Variants in NYAP2 observed in about 807,000 individuals in gnomAD.
NYAP2 encodes the protein neuronal tyrosine-phosphorylated phosphoinositide-3-kinase adapter 2.
In NYAP2, 23 loss-of-function variants were observed where a neutral mutation model predicts 50.4. That is an observed-to-expected ratio of 0.46 (90% CI 0.33 to 0.65). The LOEUF (loss-of-function observed/expected upper bound fraction) is 0.65, where lower values mean the gene tolerates loss of function less well. Among genes scored for constraint, NYAP2 ranks in the 30% least tolerant of loss-of-function variants. The probability of loss-of-function intolerance (pLI) is 0.02; values close to 1 mark genes in which losing one functional copy is unlikely to be tolerated. For synonymous variants in NYAP2, 394 were observed against 365.2 expected, an observed-to-expected ratio of 1.08 and a Z score of -0.90; for missense variants, 885 against 861.0, an observed-to-expected ratio of 1.03 and a Z score of -0.35.
At chr2:225,479,659 TA>T (rs998833389) in intron 3 of NYAP2, among the ~76,000 whole-genome samples, 13 of 151,942 alleles carry the variant, frequency 8.6e-5, no homozygotes, top group African/African-American at 3.1e-4. Context: ...TTTTTTTTTT[TA>T]AATCCACCAG....
intron 3 of NYAP2, among the ~76,000 whole-genome samples, chr2:225,470,809 A>ATGTGTG (rs1339042384): frequency 2.2e-5 from 3 of 133,600 alleles, no homozygotes; most frequent in Admixed American, 7.0e-5. Context: ...ATATGTATGT[A>ATGTGTG]TATGTGTGTG....
the NYAP2 span, among the ~76,000 whole-genome samples, chr2:225,660,560 C>T: frequency 6.8e-6 from 1 of 148,014 alleles, no homozygotes; most frequent in Admixed American, 7.0e-5. Flanking sequence ...ATCGATTTAA[C>T]TATTAAAACG....
At chr2:225,527,249 A>G (rs1682496302) in intron 4 of NYAP2, among the ~76,000 whole-genome samples, 1 of 152,142 alleles carries the variant, frequency 6.6e-6, no homozygotes, top group South Asian at 2.1e-4. Context: ...AATAAGCCCA[A>G]TGTGCCTGTG....
At chr2:225,467,036 T>C (rs1414114817) in intron 3 of NYAP2, among the ~76,000 whole-genome samples, 2 of 152,216 alleles carry the variant, frequency 1.3e-5, no homozygotes, top group South Asian at 2.1e-4. Context: ...GTTTTCTACG[T>C]TGGCATACTT....
At position 225,421,733 on chromosome 2, in the gene NYAP2, A is replaced by C. The variant is rs751007461; in HGVS notation, c.221+12632A>C. ...CCTAGTGGCCTCTGGATAATGAAGC[A>C]AAGGGTTAAGAGATGTGTAGTTTAT... On this transcript the variant is annotated intron_variant, in intron 3 of 6. Transcript: ENST00000636099. Among the ~76,000 whole-genome samples, 12 of 152,358 alleles carry C rather than the reference A, an allele frequency of 7.9e-5. No homozygotes were observed. In the East Asian group the frequency reaches 1.4e-3, roughly 17 times the overall value.
intron 4 of NYAP2, among the ~76,000 whole-genome samples, chr2:225,571,371 G>T (rs1234331368): frequency 6.6e-6 from 1 of 152,226 alleles, no homozygotes; most frequent in African/African-American, 2.4e-5. Context: ...CATAGCAGAG[G>T]TTCTCCATGA....
intron 6 of NYAP2, among the ~76,000 whole-genome samples, chr2:225,637,742 A>G (rs77904429): frequency 0.025 from 3,770 of 152,262 alleles, 176 homozygotes; most frequent in African/African-American, 0.086. Flanking sequence ...TTTATCAGAG[A>G]AAGTTTTATT....
At chr2:225,558,722 G>T (rs1691818209) in intron 4 of NYAP2, among the ~76,000 whole-genome samples, 1 of 152,050 alleles carries the variant, frequency 6.6e-6, no homozygotes, top group Non-Finnish European at 1.5e-5. Context: ...GACATTTTCG[G>T]GGGGTGCCAT....
chr2:225,688,306 G>A, the NYAP2 span, among the ~76,000 whole-genome samples: 1 of 152,150 alleles, frequency 6.6e-6, no homozygotes, highest in Non-Finnish European at 1.5e-5. Flanking sequence ...ATTCAGTTGA[G>A]CCAAAGTGGA....
intron 3 of NYAP2, among the ~76,000 whole-genome samples, chr2:225,414,990 A>G (rs1695100942): frequency 6.6e-6 from 1 of 152,174 alleles, no homozygotes; most frequent in African/African-American, 2.4e-5. Context: ...TTTCTAATCA[A>G]ACAAATGCTA....
At chr2:225,410,306 G>A (rs1261896233) in intron 3 of NYAP2, among the ~76,000 whole-genome samples, 1 of 151,952 alleles carries the variant, frequency 6.6e-6, no homozygotes, top group Non-Finnish European at 1.5e-5. Flanking sequence ...TTTCACAATT[G>A]CATGTATTTA....
At chr2:225,577,404 G>A (rs927594287) in intron 4 of NYAP2, among the ~76,000 whole-genome samples, 1 of 151,974 alleles carries the variant, frequency 6.6e-6, no homozygotes, top group Admixed American at 6.6e-5. Flanking sequence ...ATCTATGTAT[G>A]TAACTCAAGA....
At chr2:225,524,606 G>T (rs963706559) in intron 4 of NYAP2, among the ~76,000 whole-genome samples, 4 of 152,200 alleles carry the variant, frequency 2.6e-5, no homozygotes, top group Admixed American at 6.6e-5. Flanking sequence ...ACTCAAGAAG[G>T]ATTAAAGATC....
chr2:225,689,033 C>T, the NYAP2 span, among the ~76,000 whole-genome samples: 9 of 152,112 alleles, frequency 5.9e-5, no homozygotes, highest in South Asian at 2.1e-4. Flanking sequence ...TGAGCCACTG[C>T]GCCCAGCTTG....
intron 4 of NYAP2, among the ~76,000 whole-genome samples, chr2:225,557,279 A>G (rs1280879576): frequency 2.0e-5 from 3 of 152,100 alleles, no homozygotes; most frequent in East Asian, 1.9e-4. Context: ...CCATCCATCT[A>G]TCAATCCATC....
In NYAP2 at chr2:225,589,516, A is replaced by AATATATATATATATATATATATATAT. The variant is rs71062993; in HGVS notation, c.1618+6482_1618+6507dup. On this transcript the variant is annotated intron_variant, in intron 5 of 6. Transcript: ENST00000636099. ...AAGACTATATCTCTACTAAAAGTAA[A>AATATATATATATATATATATATATAT]ATATATATATATATATATATATATA... Among the ~76,000 whole-genome samples, 207 of 71,122 alleles carry AATATATATATATATATATATATATAT rather than the reference A, an allele frequency of 2.9e-3. 4 individuals are homozygous for AATATATATATATATATATATATATAT. Among genetic ancestry groups the AATATATATATATATATATATATATAT allele is most frequent in the African/African-American group, 5.6e-3 (101 of 18,062 alleles). 46.7% of individuals were successfully genotyped at this position (71,122 alleles called of 152,430 possible). A position where few individuals can be genotyped will look rare whatever the true frequency, so the allele number is the denominator to read the frequency against.
Position 225,599,449 on chromosome 2 carries a change from A to G in NYAP2, c.1618+16414A>G, listed in dbSNP as rs73090842. Among the ~76,000 whole-genome samples, 1,160 of 152,334 alleles carry G rather than the reference A, an allele frequency of 7.6e-3. 31 individuals carry two copies. The highest frequency in any genetic ancestry group is 0.027 in the African/African-American group (1,113 of 41,578). On this transcript the variant is annotated intron_variant, in intron 5 of 6. Coordinates refer to ENST00000636099, the Ensembl canonical transcript of NYAP2. ...AAACAGAAGGTCATGAATTAGGAAG[A>G]AGAATTAAAACCAGCCTGACAGAAG... is the stretch of plus-strand genomic sequence containing the variant.
At chr2:225,407,332 C>A (rs769716957) in intron 2 of NYAP2, among the ~76,000 whole-genome samples, 3 of 151,892 alleles carry the variant, frequency 2.0e-5, no homozygotes, top group Non-Finnish European at 4.4e-5. Flanking sequence ...ATTAAAAGTC[C>A]ATTTCATTTG....
chr2:225,479,862 C>G (rs1382329969), intron 3 of NYAP2, among the ~76,000 whole-genome samples: 1 of 152,020 alleles, frequency 6.6e-6, no homozygotes, highest in African/African-American at 2.4e-5. Context: ...TTTCCCCAGT[C>G]CTATTTTCTT....
Sources: allele counts gnomAD v4.1 joint callset (sites outside exome capture counted in the v4.1 genomes callset), GRCh38; gene constraint gnomAD v4.1.1; transcripts MANE v1.5; gene names NCBI Gene and HGNC (gene_info 2026-07-23, HGNC 2026-07-21).